The following IMMP2L variants were observed in gnomAD, a reference collection of about 807,000 sequenced individuals.
IMMP2L encodes inner mitochondrial membrane peptidase subunit 2, also known as mitochondrial inner membrane protease subunit 2.
A neutral mutation model predicts 19.3 loss-of-function variants in IMMP2L; 18 were observed. The ratio of observed to expected loss-of-function variants is 0.93; its 90% confidence interval spans 0.64 to 1.38. The LOEUF (loss-of-function observed/expected upper bound fraction) is 1.38. Ranked by LOEUF, IMMP2L falls within the 40% of genes most tolerant of loss-of-function variation. IMMP2L has a pLI of 0.00. For missense variants in IMMP2L, 233 were observed against 218.2 expected (o/e 1.07, Z -0.43); for synonymous variants, 76 against 73.0 (o/e 1.04, Z -0.21).
chr7:111,385,322 C>T (rs535888455), intron 3 of IMMP2L, among the ~76,000 whole-genome samples: 1 of 152,116 alleles, frequency 6.6e-6, no homozygotes. Context: ...CCTTTCAATA[C>T]AGCAATTTGC....
At chr7:111,067,634 TGTTGGCAAG>T (rs1304221642) in intron 3 of IMMP2L, among the ~76,000 whole-genome samples, 3 of 152,238 alleles carry the variant, frequency 2.0e-5, no homozygotes, top group Non-Finnish European at 4.4e-5. Flanking sequence ...TTTATTTTAC[TGTTGGCAAG>T]GTCACCAATA....
At chr7:110,667,689 T>G (rs1791557192) in intron 5 of IMMP2L, among the ~76,000 whole-genome samples, 2 of 152,202 alleles carry the variant, frequency 1.3e-5, no homozygotes, top group Admixed American at 1.3e-4. Flanking sequence ...CCTCTAGAAC[T>G]TTCAGAAGGA....
At chr7:110,669,024 A>AGTGTGT (rs1390053336) in intron 5 of IMMP2L, among the ~76,000 whole-genome samples, 1 of 22,634 alleles carries the variant, frequency 4.4e-5, no homozygotes, top group Non-Finnish European at 4.0e-4. Flanking sequence ...CTGAACCAAC[A>AGTGTGT]GTATGTGTGT....
At chr7:110,907,653 C>T (rs1244925423) in intron 4 of IMMP2L, among the ~76,000 whole-genome samples, 1 of 152,110 alleles carries the variant, frequency 6.6e-6, no homozygotes, top group Non-Finnish European at 1.5e-5. Flanking sequence ...GCCTCCTGTC[C>T]CTATCAATAG....
At chr7:111,157,414 G>T (rs1298396426) in intron 3 of IMMP2L, among the ~76,000 whole-genome samples, 1 of 152,066 alleles carries the variant, frequency 6.6e-6, no homozygotes, top group Admixed American at 6.6e-5. Flanking sequence ...ATAAGATCTT[G>T]TCATTTGCAA....
intron 3 of IMMP2L, among the ~76,000 whole-genome samples, chr7:111,251,823 C>T (rs1816162616): frequency 6.6e-6 from 1 of 151,904 alleles, no homozygotes. Flanking sequence ...TTTATCTGTG[C>T]AGCAAACCAT....
At position 111,510,704 on chromosome 7, in the gene IMMP2L, C is replaced by G. The variant is rs1477866181; in HGVS notation, c.135+10609G>C. Among the ~76,000 whole-genome samples, 2 of 152,216 alleles carry G rather than the reference C, an allele frequency of 1.3e-5. 1 individual carries two copies. The highest frequency in any genetic ancestry group is 3.9e-4 in the East Asian group (2 of 5,172). ...TTAGAATCTGCCAAAATTATTCAAA[C>G]TAGCCAGTCCTAAACTGTTCATTCT... is the stretch of plus-strand genomic sequence containing the variant. On this transcript the variant is annotated intron_variant, in intron 2 of 5. Coordinates refer to ENST00000405709, the MANE Select transcript of IMMP2L (RefSeq NM_032549.4).
At chr7:111,222,481 T>G (rs1812626281) in intron 3 of IMMP2L, among the ~76,000 whole-genome samples, 1 of 151,936 alleles carries the variant, frequency 6.6e-6, no homozygotes, top group Non-Finnish European at 1.5e-5. Flanking sequence ...AGTATTTTTT[T>G]TTTAAAGCTT....
intron 5 of IMMP2L, among the ~76,000 whole-genome samples, chr7:110,776,903 A>T (rs73716403): frequency 0.05 from 7,544 of 151,884 alleles, 568 homozygotes; most frequent in African/African-American, 0.16. Flanking sequence ...GTTGATTTTT[A>T]AAAAAATGTT....
At chr7:111,456,682 G>A (rs1364120396) in intron 3 of IMMP2L, among the ~76,000 whole-genome samples, 1 of 151,144 alleles carries the variant, frequency 6.6e-6, no homozygotes, top group African/African-American at 2.4e-5. Context: ...ATTGTTGAAG[G>A]CTACAATATT....
intron 3 of IMMP2L, among the ~76,000 whole-genome samples, chr7:111,284,584 T>C (rs192659579): frequency 2.3e-3 from 346 of 152,214 alleles, no homozygotes; most frequent in Non-Finnish European, 3.4e-3. Flanking sequence ...TGCTTAAGGG[T>C]AGCAAGAGTG....
At chr7:111,205,406 A>T (rs1436439015) in intron 3 of IMMP2L, among the ~76,000 whole-genome samples, 6 of 152,184 alleles carry the variant, frequency 3.9e-5, no homozygotes, top group Non-Finnish European at 5.9e-5. Context: ...TTTCAAGGAA[A>T]TTATCACTGC....
intron 2 of IMMP2L, among the ~76,000 whole-genome samples, chr7:111,489,798 G>A (rs1283344842): frequency 6.6e-6 from 1 of 151,972 alleles, no homozygotes; most frequent in Non-Finnish European, 1.5e-5. Flanking sequence ...TAAATTCCCT[G>A]CTACTCATTT....
chr7:111,389,665 A>G lies in IMMP2L; in HGVS notation c.239+97573T>C, dbSNP rs147530367. 2.1e-3 allele frequency among the ~76,000 whole-genome samples: 322 copies of G among 152,252 alleles called. 5 individuals carry two copies. Among genetic ancestry groups the G allele is most frequent in the African/African-American group, 7.3e-3 (304 of 41,552 alleles). ...AATATTGAAAATTTGAGTGAAAATC[A>G]TATCAGTTCTTTGTACTATTCTTGC... On this transcript the variant is annotated intron_variant, in intron 3 of 5. Coordinates refer to ENST00000405709, the MANE Select transcript of IMMP2L (RefSeq NM_032549.4).
intron 3 of IMMP2L, among the ~76,000 whole-genome samples, chr7:111,195,959 T>C (rs1378490790): frequency 6.6e-6 from 1 of 152,054 alleles, no homozygotes; most frequent in Non-Finnish European, 1.5e-5. Context: ...CTCGAACTCC[T>C]GGGCTCAAGT....
Position 110,786,239 on chromosome 7 carries a change from C to T in IMMP2L, c.408+100354G>A, listed in dbSNP as rs150207449. On this transcript the variant is annotated intron_variant, in intron 5 of 5. Coordinates refer to ENST00000405709, the MANE Select transcript of IMMP2L (RefSeq NM_032549.4). ...CTGTATCAAATATAATACATAGTTA[C>T]TTGAATCTCAATATATATCTATGGA... 1.5e-3 allele frequency among the ~76,000 whole-genome samples: 233 copies of T among 152,020 alleles called. 1 individual carries two copies. Among genetic ancestry groups the T allele is most frequent in the African/African-American group, 5.4e-3 (224 of 41,500 alleles).
intron 5 of IMMP2L, among the ~76,000 whole-genome samples, chr7:110,863,897 T>C (rs1348257836): frequency 6.6e-6 from 1 of 152,014 alleles, no homozygotes; most frequent in African/African-American, 2.4e-5. Flanking sequence ...AAGCCCAATA[T>C]CAATGGGATG....
At chr7:110,673,188 C>T (rs1241190674) in intron 5 of IMMP2L, among the ~76,000 whole-genome samples, 1 of 152,270 alleles carries the variant, frequency 6.6e-6, no homozygotes, top group African/African-American at 2.4e-5. Flanking sequence ...GGCCCAACCA[C>T]ATGGTAGCTG....
intron 3 of IMMP2L, among the ~76,000 whole-genome samples, chr7:111,456,410 G>C (rs1313353697): frequency 6.6e-6 from 1 of 151,744 alleles, no homozygotes; most frequent in Non-Finnish European, 1.5e-5. Flanking sequence ...TTAGTTAACA[G>C]CTTGTAAAAC....
Sources: allele counts gnomAD v4.1 joint callset (sites outside exome capture counted in the v4.1 genomes callset), GRCh38; gene constraint gnomAD v4.1.1; transcripts MANE v1.5; gene names NCBI Gene and HGNC (gene_info 2026-07-23, HGNC 2026-07-21).